Variants in ZBED1 observed in about 807,000 individuals in gnomAD.
ZBED1 encodes zinc finger BED-type containing 1.
ZBED1 carries 19 observed loss-of-function variants against 49.7 expected under a neutral mutation model. The ratio of observed to expected loss-of-function variants is 0.38; its 90% CI spans 0.27 to 0.56. ZBED1 has a LOEUF of 0.56. ZBED1 is among the 20% of genes least tolerant of loss of function. The pLI, the probability that ZBED1 is intolerant of heterozygous loss-of-function variation, is 0.70. For missense variants in ZBED1, 806 were observed against 972.6 expected (o/e 0.83, Z 2.28); for synonymous variants, 439 against 440.3 (o/e 1.00, Z 0.04).
chrX:2,490,561 C>A lies in ZBED1; in HGVS notation c.159G>T (p.Gln53His). ...KKIYCRICMA[Q>H]IAYSGNTSNL... is the part of the protein sequence containing the mutation. ...TGGAGGTGTTTCCGGAGTAGGCGATCTGGGCCATGCAGATGCGGCAGTAGA... is the reference window on the plus strand; with the variant it reads ...TGGAGGTGTTTCCGGAGTAGGCGATATGGGCCATGCAGATGCGGCAGTAGA... Residue 53 changes from glutamine to histidine, a missense_variant, in exon 2 of 2, where the codon CAG becomes CAT. Physicochemically the swap from Gln to His is conservative, Grantham distance 24. This residue lies in a region of ZBED1 where 57 missense variants were observed against 111.3 expected (regional missense o/e 0.51). Coordinates refer to ENST00000652001, the MANE Select transcript of ZBED1 (RefSeq NM_001171136.2). The A allele has an allele frequency of 6.2e-7, 1 of 1,613,984 alleles. No homozygotes were observed. The highest frequency in any genetic ancestry group is 8.5e-7 in the Non-Finnish European group (1 of 1,179,880).
chrX:2,489,199 C>T lies in ZBED1; in HGVS notation c.1521G>A (p.Lys507=), dbSNP rs2045050145. 1.2e-6 allele frequency: 2 copies of T among 1,613,812 alleles called. No homozygotes were observed. Among genetic ancestry groups the T allele is most frequent in the African/African-American group, 1.3e-5 (1 of 75,058 alleles). The part of the protein sequence containing the change: ...VVEEAKGLLD[K]VKDGGYRPAE... ...CCGGCCGGTAGCCGCCGTCTTTGAC[C>T]TTGTCCAGCAGGCCCTTGGCCTCTT... The change falls in exon 2 of 2, where the codon AAG becomes AAA. Residue 507 remains lysine (K), a synonymous_variant. Coordinates refer to ENST00000652001, the MANE Select transcript of ZBED1 (RefSeq NM_001171136.2).
In ZBED1 at chrX:2,500,909, GCAGA is replaced by G. The variant is rs2042924233; in HGVS notation, c.-150_-147del. On this transcript the variant is annotated 5_prime_UTR_variant, in exon 1 of 2. An upstream open reading frame in the 5' UTR gains an earlier in-frame stop. Coordinates refer to ENST00000652001, the MANE Select transcript of ZBED1 (RefSeq NM_001171136.2). ...GTAGACCCGCAGGGCCGCCCGCGCC[GCAGA>G]CAATGGCGACATGGCTGCCCCGGCC... 9.0e-7 allele frequency: 1 copy of G among 1,112,460 alleles called. No homozygotes were observed. The highest frequency in any genetic ancestry group is 1.1e-6 in the Non-Finnish European group (1 of 910,082). 68.9% of individuals were successfully genotyped at this position (1,112,460 alleles called of 1,614,324 possible).
Position 2,490,601 on chromosome X carries a change from A to G in ZBED1, c.119T>C (p.Leu40Pro), listed in dbSNP as rs2045110722. Reference protein sequence around the residue: ...GFDTNAEGCILQWKKIYCRIC... With the variant: ...GFDTNAEGCIPQWKKIYCRIC... ...GCGGCAGTAGATTTTCTTCCACTGC[A>G]GGATGCATCCCTCGGCGTTGGTGTC... Residue 40 changes from leucine (L) to proline (P), a missense_variant, in exon 2 of 2, where the codon CTG (leucine) becomes CCG (proline). Physicochemically the swap from Leu to Pro is moderately conservative, Grantham distance 98. Transcript: ENST00000652001. 6.2e-7 allele frequency: 1 copy of G among 1,613,856 alleles called. No homozygotes were observed. The highest frequency in any genetic ancestry group is 8.5e-7 in the Non-Finnish European group (1 of 1,179,874).
At chrX:2,496,881 T>A (rs2045299314) in intron 1 of ZBED1, among the ~76,000 whole-genome samples, 1 of 148,778 alleles carries the variant, frequency 6.7e-6, no homozygotes, top group Non-Finnish European at 1.5e-5. Context: ...ATTCTAAAAA[T>A]ATATATATTT....
In ZBED1 at chrX:2,490,443, C is replaced by A; in HGVS notation, c.277G>T (p.Ala93Ser). 6.2e-7 allele frequency: 1 copy of A among 1,613,936 alleles called. No individual in the cohort carries two copies. The highest frequency in any genetic ancestry group is 8.5e-7 in the Non-Finnish European group (1 of 1,179,866). Reference protein sequence around the residue: ...TEQMREAFATAFSKLKPESSQ... With the variant: ...TEQMREAFATSFSKLKPESSQ... ...GACTCGGGCTTCAGCTTGGAGAAGG[C>A]GGTGGCGAAGGCTTCACGCATCTGC... Residue 93 changes from alanine to serine, a missense_variant, in exon 2 of 2, where the codon GCC (alanine) becomes TCC (serine). By Grantham distance (99) the Ala-to-Ser change is moderately conservative (BLOSUM62 1). This residue lies in a region of ZBED1 where 749 missense variants were observed against 861.3 expected (regional missense o/e 0.87). Coordinates refer to ENST00000652001, the MANE Select transcript of ZBED1 (RefSeq NM_001171136.2).
chrX:2,500,883 C>G lies in ZBED1; in HGVS notation c.-120G>C, dbSNP rs2045411034. 2 of 1,151,226 alleles carry G rather than the reference C, an allele frequency of 1.7e-6. No individual in the cohort carries two copies. The highest frequency in any genetic ancestry group is 2.1e-6 in the Non-Finnish European group (2 of 930,964). The allele number at this position is 1,151,226 out of a possible 1,614,324, so 71.3% of individuals were successfully genotyped here. A position where few individuals can be genotyped will look rare whatever the true frequency, so the allele number is the denominator to read the frequency against. ...GCCAGGATCACCGCGGCGCCTACCG[C>G]GTAGACCCGCAGGGCCGCCCGCGCC... On this transcript the variant is annotated 5_prime_UTR_variant, in exon 1 of 2. Coordinates refer to ENST00000652001, the MANE Select transcript of ZBED1 (RefSeq NM_001171136.2).
chrX:2,495,692 CA>C (rs1424123017), intron 1 of ZBED1, among the ~76,000 whole-genome samples: 9 of 152,088 alleles, frequency 5.9e-5, no homozygotes, highest in African/African-American at 2.2e-4. Flanking sequence ...TCCGAGCACA[CA>C]AGGCCACGAA....
chrX:2,490,815 G>A, intron 1 of ZBED1, 43 bp from the exon 2 acceptor site: 1 of 1,507,290 alleles, frequency 6.6e-7, no homozygotes, highest in Non-Finnish European at 8.9e-7. Flanking sequence ...AGGGACCCAG[G>A]CACGCACGGG....
chrX:2,488,840 T>G lies in ZBED1; in HGVS notation c.1880A>C (p.Asn627Thr). Residue 627 changes from asparagine (N) to threonine (T), a missense_variant, in exon 2 of 2, where the codon AAC becomes ACC. Around this residue, in one of 2 missense-constraint regions of ZBED1, gnomAD observed 749 missense variants for 861.3 expected, o/e 0.87. Transcript: ENST00000652001. ...CCGGTTCCTCTTGGCGCTGACCACG[T>G]TGGCGGCGGATCCGAAGAGACGCTC... ...APERLFGSAA[N>T]VVSAKRNRLA... is the part of the protein sequence containing the mutation. 6.2e-7 allele frequency: 1 copy of G among 1,613,778 alleles called. No individual in the cohort carries two copies. Among genetic ancestry groups the G allele is most frequent in the Non-Finnish European group, 8.5e-7 (1 of 1,179,832 alleles).
intron 1 of ZBED1, chrX:2,500,444 G>T: frequency 6.1e-6 from 1 of 164,288 alleles, no homozygotes; most frequent in African/African-American, 2.4e-5. Context: ...GGGCGTGCGA[G>T]CCCCCGGGTC....
At chrX:2,494,907 A>C (rs2045244191) in intron 1 of ZBED1, among the ~76,000 whole-genome samples, 1 of 151,844 alleles carries the variant, frequency 6.6e-6, no homozygotes, top group Non-Finnish European at 1.5e-5. Context: ...TTCTATTATT[A>C]TTCTTATTTG....
intron 1 of ZBED1, 21 bp downstream of exon 1, chrX:2,500,796 C>A: frequency 9.2e-6 from 10 of 1,090,550 alleles, no homozygotes; most frequent in Non-Finnish European, 1.0e-5. Context: ...GGAGCCCTGA[C>A]CCCTGCCCCG....
chrX:2,492,287 GA>G (rs201680231), intron 1 of ZBED1, among the ~76,000 whole-genome samples: 5,577 of 152,190 alleles, frequency 0.037, 134 homozygotes, highest in Middle Eastern at 0.12. Context: ...GTCCTTAATA[GA>G]AGACAGATGA....
chrX:2,489,196 G>C lies in ZBED1; in HGVS notation c.1524C>G (p.Val508=). The C allele has an allele frequency of 6.2e-7, 1 of 1,613,744 alleles. No homozygotes were observed. Among genetic ancestry groups the C allele is most frequent in the Non-Finnish European group, 8.5e-7 (1 of 1,179,860 alleles). Residue 508 remains valine, a synonymous_variant, in exon 2 of 2, where the codon GTC becomes GTG. Transcript: ENST00000652001. ...VEEAKGLLDK[V]KDGGYRPAED... The stretch of plus-strand genomic sequence containing the variant: ...CAGCCGGCCGGTAGCCGCCGTCTTT[G>C]ACCTTGTCCAGCAGGCCCTTGGCCT...
chrX:2,489,693 G>A lies in ZBED1; in HGVS notation c.1027C>T (p.His343Tyr). 6.2e-7 allele frequency: 1 copy of A among 1,612,666 alleles called. No individual in the cohort carries two copies. The highest frequency in any genetic ancestry group is 8.5e-7 in the Non-Finnish European group (1 of 1,179,800). Reference protein sequence around the residue: ...YEKQKQQNVAHCMLVSNRVSW... With the variant: ...YEKQKQQNVAYCMLVSNRVSW... ...ACGCGGTTGCTCACCAGCATGCAGT[G>A]GGCCACGTTCTGCTGCTTCTGCTTC... The change falls in exon 2 of 2, where the codon CAC (histidine) becomes TAC (tyrosine). Residue 343 changes from histidine (H) to tyrosine (Y), a missense_variant. Physicochemically the swap from His to Tyr is moderately conservative, Grantham distance 83 (BLOSUM62 2). Transcript: ENST00000652001.
At chrX:2,497,705 G>T (rs988489775) in intron 1 of ZBED1, among the ~76,000 whole-genome samples, 1 of 152,122 alleles carries the variant, frequency 6.6e-6, no homozygotes, top group Non-Finnish European at 1.5e-5. Flanking sequence ...ATTGGAACTG[G>T]ACTTGACTAC....
intron 1 of ZBED1, among the ~76,000 whole-genome samples, chrX:2,492,863 TTTCTGGTACTTTATTAAAGCAAGGTA>T (rs1312840940): frequency 6.6e-6 from 1 of 152,190 alleles, no homozygotes; most frequent in African/African-American, 2.4e-5. Context: ...AGCCCTCCGG[TTTCTGGTACTTTATTAAAGCAAGGTA>T]TTCTGAAGGT....
At chrX:2,497,335 G>A (rs2045310513) in intron 1 of ZBED1, among the ~76,000 whole-genome samples, 1 of 152,184 alleles carries the variant, frequency 6.6e-6, no homozygotes, top group African/African-American at 2.4e-5. Flanking sequence ...AGAGGTTGTG[G>A]TGAGCTGAGA....
rs756459362 is a variant in ZBED1, at chrX:2,489,674, T to G, written c.1046A>C (p.Asn349Thr). The change falls in exon 2 of 2, where the codon AAC becomes ACC. Residue 349 changes from asparagine to threonine, a missense_variant. Physicochemically the swap from Asn to Thr is moderately conservative, Grantham distance 65. Around this residue, in one of 2 missense-constraint regions of ZBED1, gnomAD observed 749 missense variants for 861.3 expected, o/e 0.87. Transcript: ENST00000652001. ...CGTGCTCCCCCACCAGGAGACGCGG[T>G]TGCTCACCAGCATGCAGTGGGCCAC... Reference protein sequence around the residue: ...QNVAHCMLVSNRVSWWGSTLA... With the variant: ...QNVAHCMLVSTRVSWWGSTLA... 2.5e-6 allele frequency: 4 copies of G among 1,612,378 alleles called. No individual in the cohort carries two copies. Among genetic ancestry groups the G allele is most frequent in the Non-Finnish European group, 3.4e-6 (4 of 1,179,772 alleles).
Sources: gnomAD v4.1 joint callset for allele counts (sites outside exome capture counted in the v4.1 genomes callset) on GRCh38, gnomAD v4.1.1 for gene constraint, gnomAD v4.1.1 regional missense constraint, MANE v1.5 for transcripts, NCBI Gene and HGNC (gene_info 2026-07-23, HGNC 2026-07-21) for gene names.